TSPAN19: variants seen among roughly 807,000 people sequenced by gnomAD.
The protein encoded by TSPAN19 is tetraspanin 19, also known as tetraspanin-19.
Under a neutral mutation model 35.1 loss-of-function variants are expected in TSPAN19, and 44 were observed. That is an observed-to-expected ratio of 1.25 (90% CI 0.98 to 1.61). The LOEUF (loss-of-function observed/expected upper bound fraction) is 1.61. TSPAN19 is among the 40% of genes most tolerant of loss of function. The pLI is 0.00. For missense variants in TSPAN19, 290 were observed against 280.0 expected (o/e 1.04, Z -0.26); for synonymous variants, 79 against 92.0 (o/e 0.86, Z 0.81).
At chr12:85,016,035 C>A in intron 7 of TSPAN19, 64 bp from the exon 8 acceptor site, 1 of 1,050,276 alleles carries the variant, frequency 9.5e-7, no homozygotes. Context: ...TAAATCTTTA[C>A]AAAAAATAAA....
intron 1 of TSPAN19, among the ~76,000 whole-genome samples, chr12:85,034,766 T>A (rs1877855705): frequency 6.6e-6 from 1 of 152,222 alleles, no homozygotes; most frequent in Admixed American, 6.5e-5. Context: ...AGCGAAATTA[T>A]GACTAATTGA....
At chr12:85,017,403 A>G (rs1876872399) in intron 7 of TSPAN19, 53 bp downstream of exon 7, 1 of 1,511,416 alleles carries the variant, frequency 6.6e-7, no homozygotes. Context: ...TGACTTGCAA[A>G]ATAAACAAAC....
intron 1 of TSPAN19, among the ~76,000 whole-genome samples, chr12:85,032,707 A>G (rs1877744261): frequency 6.6e-6 from 1 of 152,166 alleles, no homozygotes; most frequent in Non-Finnish European, 1.5e-5. Context: ...AATGAGAACA[A>G]TGACGTGCCA....
chr12:85,032,254 C>G (rs1208458908), intron 1 of TSPAN19, among the ~76,000 whole-genome samples: 1 of 151,914 alleles, frequency 6.6e-6, no homozygotes, highest in Non-Finnish European at 1.5e-5. Flanking sequence ...GAACCAGTGT[C>G]ATGGGTGTGA....
chr12:85,029,689 ACT>A, intron 3 of TSPAN19, 28 bp downstream of exon 3: 2 of 1,478,684 alleles, frequency 1.4e-6, no homozygotes, highest in African/African-American at 2.9e-5. Context: ...TGTCTATTTC[ACT>A]GAGAGAAAAA....
At chr12:85,032,662 T>A (rs1160124004) in intron 1 of TSPAN19, among the ~76,000 whole-genome samples, 3 of 152,288 alleles carry the variant, frequency 2.0e-5, no homozygotes, top group South Asian at 2.1e-4. Flanking sequence ...TGTTGGCTTT[T>A]TCAGCCATAA....
chr12:85,024,762 C>G (rs1295964101), intron 4 of TSPAN19: 1 of 142,956 alleles, frequency 7.0e-6, no homozygotes, highest in Non-Finnish European at 1.5e-5. Context: ...AGTGACAGAG[C>G]GAGACTCCAC....
At chr12:85,028,594 A>T (rs1312922916) in intron 3 of TSPAN19, among the ~76,000 whole-genome samples, 1 of 152,194 alleles carries the variant, frequency 6.6e-6, no homozygotes, top group East Asian at 1.9e-4. Flanking sequence ...AATTGTTTTA[A>T]AAAAGAAGGA....
chr12:85,015,344 C>G (rs551416709), intron 8 of TSPAN19: 2 of 151,934 alleles, frequency 1.3e-5, no homozygotes, highest in South Asian at 4.2e-4. Flanking sequence ...GTCTATTTTG[C>G]ATCTCATTGT....
At chr12:85,024,960 C>A (rs1172846294) in intron 4 of TSPAN19, among the ~76,000 whole-genome samples, 1 of 151,562 alleles carries the variant, frequency 6.6e-6, no homozygotes, top group African/African-American at 2.4e-5. Context: ...AAATATCTGA[C>A]CAAAATTTTC....
chr12:85,029,416 T>C (rs1173012777), intron 3 of TSPAN19, among the ~76,000 whole-genome samples: 1 of 152,144 alleles, frequency 6.6e-6, no homozygotes, highest in Non-Finnish European at 1.5e-5. Context: ...TCATCTCAAA[T>C]ATGTATCATT....
chr12:85,033,194 G>A (rs764057150), intron 1 of TSPAN19, among the ~76,000 whole-genome samples: 4 of 152,020 alleles, frequency 2.6e-5, no homozygotes, highest in Non-Finnish European at 4.4e-5. Flanking sequence ...AAAAATGGGA[G>A]AGAGATAGGA....
chr12:85,019,248 A>G (rs1427250032), intron 6 of TSPAN19, among the ~76,000 whole-genome samples: 1 of 151,916 alleles, frequency 6.6e-6, no homozygotes, highest in East Asian at 1.9e-4. Context: ...CCAGAACCAC[A>G]AAGCTATTGC....
intron 4 of TSPAN19, among the ~76,000 whole-genome samples, chr12:85,025,733 G>A (rs1877379201): frequency 6.6e-6 from 1 of 152,046 alleles, no homozygotes; most frequent in Non-Finnish European, 1.5e-5. Flanking sequence ...CCCCATGTTG[G>A]CCAGGATGGT....
chr12:85,026,792 T>A (rs1167053171), intron 4 of TSPAN19, among the ~76,000 whole-genome samples: 3 of 152,014 alleles, frequency 2.0e-5, no homozygotes, highest in African/African-American at 7.3e-5. Flanking sequence ...CCTTTGGCAC[T>A]CATGGCCATT....
At chr12:85,020,178 T>C (rs1877049280) in intron 5 of TSPAN19, among the ~76,000 whole-genome samples, 1 of 151,960 alleles carries the variant, frequency 6.6e-6, no homozygotes, top group Non-Finnish European at 1.5e-5. Context: ...TAATTTATTT[T>C]ACAACTTTAG....
chr12:85,031,105 T>G (rs1226766915), intron 1 of TSPAN19, among the ~76,000 whole-genome samples: 2 of 152,128 alleles, frequency 1.3e-5, no homozygotes, highest in African/African-American at 4.8e-5. Flanking sequence ...CCCTACTTTA[T>G]CGTAAACCAT....
chr12:85,032,114 T>C (rs1877713836), intron 1 of TSPAN19, among the ~76,000 whole-genome samples: 1 of 152,162 alleles, frequency 6.6e-6, no homozygotes, highest in Admixed American at 6.6e-5. Context: ...GAAAAATTCA[T>C]AAATTCAATA....
intron 6 of TSPAN19, 121 bp from the exon 7 acceptor site, chr12:85,017,720 G>A (rs767246747): frequency 1.8e-4 from 119 of 677,892 alleles, no homozygotes; most frequent in South Asian, 5.3e-4. Flanking sequence ...CCATGAACAT[G>A]TAATGAATTA....
Sources: allele counts gnomAD v4.1 joint callset (sites outside exome capture counted in the v4.1 genomes callset), GRCh38; gene constraint gnomAD v4.1.1; transcripts MANE v1.5; gene names NCBI Gene and HGNC (gene_info 2026-07-23, HGNC 2026-07-21).